SLC26A4: variants seen among roughly 807,000 people sequenced by gnomAD.
The protein encoded by SLC26A4 is solute carrier family 26 member 4.
Under a neutral mutation model 90.4 loss-of-function variants are expected in SLC26A4, and 93 were observed. The ratio of observed to expected loss-of-function variants is 1.03; its 90% CI spans 0.87 to 1.22. The LOEUF is 1.22. Ranked by LOEUF, SLC26A4 falls within the 50% of genes most tolerant of loss-of-function variation. SLC26A4 has a pLI of 0.00. For missense variants in SLC26A4, 1,127 were observed against 946.2 expected (o/e 1.19, Z -2.51); for synonymous variants, 393 against 354.6 (o/e 1.11, Z -1.22).
At position 107,689,235 on chromosome 7, in the gene SLC26A4, G is replaced by A. The variant is rs372331884; in HGVS notation, c.1149+35G>A. On this transcript the variant is annotated intron_variant, in intron 9 of 20. Transcript: ENST00000644269. ...CCCTTTTGCTGAACTGGTTTTATAG[G>A]GCTGGAAACAGGAAAAAAACATAAA... The A allele has an allele frequency of 6.2e-6, 10 of 1,609,894 alleles. No homozygotes were observed. In the African/African-American group the frequency reaches 1.1e-4, roughly 17 times the overall value.
chr7:107,688,692 A>G (rs994692657), intron 8 of SLC26A4, among the ~76,000 whole-genome samples: 2 of 152,214 alleles, frequency 1.3e-5, no homozygotes, highest in African/African-American at 2.4e-5. Flanking sequence ...TTTTAAATTC[A>G]AAGAACTTTA....
At chr7:107,663,506 T>G in intron 3 of SLC26A4, 71 bp downstream of exon 3, 1 of 1,547,126 alleles carries the variant, frequency 6.5e-7, no homozygotes, top group Non-Finnish European at 8.9e-7. Context: ...CTACCATAGG[T>G]CTGTGACAGA....
chr7:107,693,630 A>T (rs921483904), intron 10 of SLC26A4: 208 of 985,638 alleles, frequency 2.1e-4, no homozygotes, highest in Non-Finnish European at 2.4e-4. Flanking sequence ...ACGAGAGAGT[A>T]GTCCCCACCC....
At chr7:107,663,723 A>T (rs1387708204) in intron 3 of SLC26A4, among the ~76,000 whole-genome samples, 1 of 152,054 alleles carries the variant, frequency 6.6e-6, no homozygotes, top group Non-Finnish European at 1.5e-5. Flanking sequence ...TCGCTCTGTC[A>T]CCTAGGCTGG....
rs536945553 is a variant in SLC26A4 at position 107,707,356 on chromosome 7, T to C, written c.2090-2698T>C. On this transcript the variant is annotated intron_variant, in intron 18 of 20. Coordinates refer to ENST00000644269, the MANE Select transcript of SLC26A4 (RefSeq NM_000441.2). Reference sequence around the variant, plus strand: ...TGGCTGGTAGTTTAATTCCAACGAATGGTATGAATTCAAAGTTATTAGAAA... The same window carrying C: ...TGGCTGGTAGTTTAATTCCAACGAACGGTATGAATTCAAAGTTATTAGAAA... Among the ~76,000 whole-genome samples the C allele has an allele frequency of 4.6e-5, 7 of 152,364 alleles. No individual in the cohort carries two copies. The South Asian group carries it at 1.4e-3, about 32-fold the overall frequency.
chr7:107,697,624 A>T (rs2129317455), intron 13 of SLC26A4, among the ~76,000 whole-genome samples: 1 of 152,340 alleles, frequency 6.6e-6, no homozygotes, highest in East Asian at 1.9e-4. Context: ...CAGGGGTTAA[A>T]GACAGAGGCT....
At chr7:107,705,861 A>C (rs1282723215) in intron 18 of SLC26A4, among the ~76,000 whole-genome samples, 1 of 152,206 alleles carries the variant, frequency 6.6e-6, no homozygotes, top group African/African-American at 2.4e-5. Context: ...TATTGTCTCT[A>C]GTTGTGGCAT....
chr7:107,670,596 C>T (rs1028178061), intron 3 of SLC26A4, among the ~76,000 whole-genome samples: 3 of 152,108 alleles, frequency 2.0e-5, no homozygotes, highest in African/African-American at 4.8e-5. Flanking sequence ...CATAGAATTA[C>T]GAAGTATGAA....
chr7:107,673,830 GC>G (rs1409597360), intron 4 of SLC26A4, among the ~76,000 whole-genome samples: 1 of 152,102 alleles, frequency 6.6e-6, no homozygotes, highest in African/African-American at 2.4e-5. Flanking sequence ...CCCAGCTCAA[GC>G]AATCCCCCCA....
intron 17 of SLC26A4, among the ~76,000 whole-genome samples, chr7:107,703,286 G>T (rs1330418351): frequency 6.6e-6 from 1 of 152,228 alleles, no homozygotes; most frequent in Non-Finnish European, 1.5e-5. Context: ...AGCAGGTCAA[G>T]ACACCAACAA....
chr7:107,707,784 T>C (rs1221477915), intron 18 of SLC26A4, among the ~76,000 whole-genome samples: 2 of 152,220 alleles, frequency 1.3e-5, no homozygotes, highest in Non-Finnish European at 2.9e-5. Flanking sequence ...GGCCATTTGG[T>C]TTAACATCTC....
intron 10 of SLC26A4, chr7:107,692,870 A>G (rs1158479683): frequency 2.0e-5 from 3 of 152,152 alleles, no homozygotes; most frequent in Admixed American, 2.0e-4. Flanking sequence ...TCACTCACCA[A>G]TTTTAATATA....
At chr7:107,691,512 T>TACACACACGCAC (rs760010561) in intron 10 of SLC26A4, among the ~76,000 whole-genome samples, 1 of 110,520 alleles carries the variant, frequency 9.0e-6, no homozygotes. Flanking sequence ...CAAATATATA[T>TACACACACGCAC]ATACACACAC....
intron 18 of SLC26A4, 85 bp from the exon 19 acceptor site, chr7:107,709,969 G>A (rs967930632): frequency 2.6e-6 from 3 of 1,160,366 alleles, no homozygotes; most frequent in Admixed American, 1.8e-5. Context: ...CTCCAGCCTG[G>A]GCAATAGAAT....
rs1276655952 is a variant in SLC26A4 at position 107,717,511 on chromosome 7, G to A, written c.*2065G>A. 2 of 152,468 alleles carry A rather than the reference G, an allele frequency of 1.3e-5. No homozygotes were observed. Among genetic ancestry groups the A allele is most frequent in the East Asian group, 3.8e-4 (2 of 5,196 alleles). The allele number at this position is 152,468 out of a possible 1,614,324, so 9.4% of individuals were successfully genotyped here. ...ACGTTTTACAACAAGGCTAGAGTTTGTAAATTCTGGGTTCATTTGTGATGA... is the reference window on the plus strand; with the variant it reads ...ACGTTTTACAACAAGGCTAGAGTTTATAAATTCTGGGTTCATTTGTGATGA... On this transcript the variant is annotated 3_prime_UTR_variant, in exon 21 of 21. Coordinates refer to ENST00000644269, the MANE Select transcript of SLC26A4 (RefSeq NM_000441.2).
chr7:107,699,175 C>G (rs1009988893), intron 14 of SLC26A4, among the ~76,000 whole-genome samples: 3 of 152,108 alleles, frequency 2.0e-5, no homozygotes, highest in Admixed American at 6.6e-5. Flanking sequence ...GGAGGGAGCT[C>G]TAAGCTGAGT....
chr7:107,695,207 G>A (rs555580509), intron 12 of SLC26A4, among the ~76,000 whole-genome samples: 47 of 152,150 alleles, frequency 3.1e-4, no homozygotes, highest in Non-Finnish European at 5.4e-4. Flanking sequence ...TATTGATATG[G>A]AAAATTTTCC....
At chr7:107,689,335 T>C (rs1308669684) in intron 9 of SLC26A4, 135 bp downstream of exon 9, 3 of 870,052 alleles carry the variant, frequency 3.4e-6, no homozygotes, top group Admixed American at 4.0e-5. Context: ...GTTTTCCTCT[T>C]GTGTTTGCTA....
At chr7:107,711,726 G>A (rs1333376616) in intron 19 of SLC26A4, among the ~76,000 whole-genome samples, 1 of 152,172 alleles carries the variant, frequency 6.6e-6, no homozygotes, top group East Asian at 1.9e-4. Flanking sequence ...TGACTGCAAT[G>A]ACACAACCTT....
Sources: allele counts gnomAD v4.1 joint callset (sites outside exome capture counted in the v4.1 genomes callset), GRCh38; gene constraint gnomAD v4.1.1; transcripts MANE v1.5; gene names NCBI Gene and HGNC (gene_info 2026-07-23, HGNC 2026-07-21).